JAKMIP1: variants seen among roughly 807,000 people sequenced by gnomAD.
The protein encoded by JAKMIP1 is janus kinase and microtubule interacting protein 1, also known as janus kinase and microtubule-interacting protein 1.
A neutral mutation model predicts 113.0 loss-of-function variants in JAKMIP1; 33 were observed. The observed-to-expected ratio is 0.29, with a 90% CI of 0.22 to 0.39. JAKMIP1 has a LOEUF of 0.39. JAKMIP1 is among the 10% of genes least tolerant of loss of function. The pLI, the probability that JAKMIP1 is intolerant of heterozygous loss-of-function variation, is 1.00. For missense variants in JAKMIP1, 813 were observed against 1,080.5 expected (o/e 0.75, Z 3.47); for synonymous variants, 480 against 459.9 (o/e 1.04, Z -0.56).
In JAKMIP1 at chr4:6,069,758, A is replaced by G. The variant is rs1403605929; in HGVS notation, c.1303-4750T>C. Among the ~76,000 whole-genome samples the G allele has an allele frequency of 6.6e-6, 1 of 151,928 alleles. No individual in the cohort carries two copies. Among genetic ancestry groups the G allele is most frequent in the Non-Finnish European group, 1.5e-5 (1 of 67,964 alleles). On this transcript the variant is annotated intron_variant, in intron 8 of 20. Coordinates refer to ENST00000409021, the MANE Select transcript of JAKMIP1 (RefSeq NM_001099433.2). The surrounding 1 kb of genome is among the most constrained non-coding windows in gnomAD (Gnocchi z 4.5). ...ACAGGGCAAGATCCTGTCTCAAAAA[A>G]AAAAAAAAAAAGATTCAGTTTTGGC...
At chr4:6,071,290 G>A (rs556426375) in intron 8 of JAKMIP1, among the ~76,000 whole-genome samples, 4 of 150,770 alleles carry the variant, frequency 2.7e-5, no homozygotes, top group African/African-American at 9.7e-5. Context: ...GCTGGGCCTG[G>A]CCCCAGGCAG....
At position 6,189,020 on chromosome 4, in the gene JAKMIP1, C is replaced by T. The variant is rs562838126; in HGVS notation, c.-148+11233G>A. ...CTTGCTGAGGAAATCCAATTACTGC[C>T]GGGCATAATGAGCTCACTCACCCAG... is the stretch of plus-strand genomic sequence containing the variant. On this transcript the variant is annotated intron_variant, in intron 1 of 20. Transcript: ENST00000409021. 1.2e-3 allele frequency among the ~76,000 whole-genome samples: 188 copies of T among 152,188 alleles called. 1 individual carries two copies. The highest frequency in any genetic ancestry group is 2.3e-3 in the Non-Finnish European group (159 of 68,052).
rs1721541107 is a variant in JAKMIP1 at position 6,088,049 on chromosome 4, T to C, written c.625-2420A>G. On this transcript the variant is annotated intron_variant, in intron 3 of 20. Coordinates refer to ENST00000409021, the MANE Select transcript of JAKMIP1 (RefSeq NM_001099433.2). This position sits in a 1 kb window ranked among gnomAD's most constrained non-coding sequence, Gnocchi z 5.5. ...GATGCCAACCCCAAAGCAAAAATCA[T>C]TATGCAGAAGGAGTTTATTCATTTA... 6.6e-6 allele frequency among the ~76,000 whole-genome samples: 1 copy of C among 152,188 alleles called. No individual in the cohort carries two copies. Among genetic ancestry groups the C allele is most frequent in the African/African-American group, 2.4e-5 (1 of 41,448 alleles).
Position 6,080,248 on chromosome 4 carries a change from G to C in JAKMIP1, c.1166C>G (p.Thr389Arg), listed in dbSNP as rs144030215. 6.2e-6 allele frequency: 10 copies of C among 1,614,174 alleles called. No homozygotes were observed. The South Asian group carries it at 7.7e-5, about 12-fold the overall frequency. ...GAACTCGATCTCCTGCTCATCCCTC[G>C]TCAGGCTGAGGTCATTCAAGGAGGT... ...RHTSLNDLSL[T>R]RDEQEIEFLR... Residue 389 changes from threonine (T) to arginine (R), a missense_variant, in exon 7 of 21, where the codon ACG becomes AGG. Physicochemically the swap from Thr to Arg is moderately conservative, Grantham distance 71. Transcript: ENST00000409021. This position sits in a 1 kb window ranked among gnomAD's most constrained non-coding sequence, Gnocchi z 6.0.
At chr4:6,160,215 G>A (rs763703018) in intron 1 of JAKMIP1, among the ~76,000 whole-genome samples, 2 of 152,190 alleles carry the variant, frequency 1.3e-5, no homozygotes, top group Non-Finnish European at 2.9e-5. Flanking sequence ...GCACCCAGCA[G>A]GTGAAAGTCA....
In JAKMIP1 at chr4:6,135,523, T is replaced by C. The variant is rs1719105769; in HGVS notation, c.-147-22526A>G. Among the ~76,000 whole-genome samples the C allele has an allele frequency of 6.6e-6, 1 of 152,084 alleles. No individual in the cohort carries two copies. Among genetic ancestry groups the C allele is most frequent in the Non-Finnish European group, 1.5e-5 (1 of 68,010 alleles). On this transcript the variant is annotated intron_variant, in intron 1 of 20. Transcript: ENST00000409021. The surrounding 1 kb of genome is among the most constrained non-coding windows in gnomAD (Gnocchi z 4.9). ...TGAAGACTGATACAGAGATGCTCCTTGAGCTGCCCGACCCCACTCCACGGA... is the reference window on the plus strand; with the variant it reads ...TGAAGACTGATACAGAGATGCTCCTCGAGCTGCCCGACCCCACTCCACGGA...
At position 6,059,102 on chromosome 4, in the gene JAKMIP1, G is replaced by C. The variant is rs4998329; in HGVS notation, c.1644+1322C>G. ...AGTGGCAGAGCTGCCCTCTGACCCA[G>C]GTGGCCAGCTATAGCATGTGAGCTC... is the stretch of plus-strand genomic sequence containing the variant. On this transcript the variant is annotated intron_variant, in intron 11 of 20. Transcript: ENST00000409021. This position sits in a 1 kb window ranked among gnomAD's most constrained non-coding sequence, Gnocchi z 4.8. Among the ~76,000 whole-genome samples, 27,814 of 152,206 alleles carry C rather than the reference G, an allele frequency of 0.18. 3,269 individuals are homozygous for C. The highest frequency in any genetic ancestry group is 0.26 in the Non-Finnish European group (17,449 of 67,982).
chr4:6,130,402 G>A (rs1560241006), intron 1 of JAKMIP1, among the ~76,000 whole-genome samples: 1 of 152,222 alleles, frequency 6.6e-6, no homozygotes, highest in South Asian at 2.1e-4. Flanking sequence ...AAGGCAGACA[G>A]GCAGATACAC....
intron 3 of JAKMIP1, among the ~76,000 whole-genome samples, chr4:6,103,424 G>A (rs776390634): frequency 5.9e-5 from 9 of 152,056 alleles, no homozygotes; most frequent in South Asian, 2.1e-4. Flanking sequence ...TATCTTGCTC[G>A]TACTCTTGTA....
chr4:6,100,318 T>G (rs1231478663), intron 3 of JAKMIP1, among the ~76,000 whole-genome samples: 1 of 152,216 alleles, frequency 6.6e-6, no homozygotes, highest in African/African-American at 2.4e-5. Context: ...TTCATACAAA[T>G]GCAAGCATAC....
chr4:6,112,614 C>T (rs956037754), intron 2 of JAKMIP1, 108 bp downstream of exon 2: 3 of 1,348,298 alleles, frequency 2.2e-6, no homozygotes, highest in African/African-American at 1.4e-5. Flanking sequence ...AAGTGCCCCC[C>T]CTCGGCCCCC....
intron 19 of JAKMIP1, among the ~76,000 whole-genome samples, chr4:6,032,397 T>G (rs539830140): frequency 6.6e-6 from 1 of 152,288 alleles, no homozygotes; most frequent in South Asian, 2.1e-4. Flanking sequence ...AGTTTCCTCA[T>G]CTGATGACCT....
intron 1 of JAKMIP1, among the ~76,000 whole-genome samples, chr4:6,147,440 A>C (rs1236813878): frequency 6.6e-6 from 1 of 152,092 alleles, no homozygotes; most frequent in Non-Finnish European, 1.5e-5. Context: ...CTGGTGAATT[A>C]ATAGCTGAGG....
Position 6,167,726 on chromosome 4 carries a change from T to A in JAKMIP1, c.-148+32527A>T, listed in dbSNP as rs781432433. Among the ~76,000 whole-genome samples the A allele has an allele frequency of 2.6e-5, 4 of 152,180 alleles. No homozygotes were observed. Among genetic ancestry groups the A allele is most frequent in the Non-Finnish European group, 5.9e-5 (4 of 68,030 alleles). On this transcript the variant is annotated intron_variant, in intron 1 of 20. Transcript: ENST00000409021. The surrounding 1 kb of genome is among the most constrained non-coding windows in gnomAD (Gnocchi z 5.3). Reference sequence around the variant, plus strand: ...CCCCACCATGAATGTACTGCTATCCTCACTTTACAGATGTGAACTGCCCAA... The same window carrying A: ...CCCCACCATGAATGTACTGCTATCCACACTTTACAGATGTGAACTGCCCAA...
At chr4:6,191,913 T>TTTTTTTTATTTA (rs1553866637) in intron 1 of JAKMIP1, among the ~76,000 whole-genome samples, 5 of 141,054 alleles carry the variant, frequency 3.5e-5, no homozygotes, top group African/African-American at 5.2e-5. Context: ...CAGGAGTGCA[T>TTTTTTTTATTTA]TTTATTTATT....
chr4:6,198,066 G>A (rs1728036377), intron 1 of JAKMIP1, among the ~76,000 whole-genome samples: 1 of 152,188 alleles, frequency 6.6e-6, no homozygotes, highest in African/African-American at 2.4e-5. Context: ...CCCCACCAAA[G>A]TGGGACCATC....
chr4:6,189,888 G>A (rs1002665640), intron 1 of JAKMIP1, among the ~76,000 whole-genome samples: 3 of 152,040 alleles, frequency 2.0e-5, no homozygotes, highest in Non-Finnish European at 1.5e-5. Context: ...GTCGAGAGCA[G>A]CCGGGGGACT....
In JAKMIP1 at chr4:6,186,288, TG is replaced by T. The variant is rs1309215853; in HGVS notation, c.-148+13964del. On this transcript the variant is annotated intron_variant, in intron 1 of 20. Coordinates refer to ENST00000409021, the MANE Select transcript of JAKMIP1 (RefSeq NM_001099433.2). The surrounding 1 kb of genome is among the most constrained non-coding windows in gnomAD (Gnocchi z 5.5). ...CCAAGGAATGGGCATTCCAGGAAAG[TG>T]GGATGGTGAGCAAAAGCATGGAAGT... Among the ~76,000 whole-genome samples the T allele has an allele frequency of 1.3e-5, 2 of 151,770 alleles. No individual in the cohort carries two copies. The highest frequency in any genetic ancestry group is 4.8e-5 in the African/African-American group (2 of 41,286).
rs1431004564 is a variant in JAKMIP1 at position 6,186,173 on chromosome 4, C to G, written c.-148+14080G>C. ...AGCTGAAGTGAGGGGAATGCAGGAA[C>G]AGCCGACGAGGCTTCCCTGGAGCTT... On this transcript the variant is annotated intron_variant, in intron 1 of 20. Coordinates refer to ENST00000409021, the MANE Select transcript of JAKMIP1 (RefSeq NM_001099433.2). The surrounding 1 kb of genome is among the most constrained non-coding windows in gnomAD (Gnocchi z 5.5). 6.6e-6 allele frequency among the ~76,000 whole-genome samples: 1 copy of G among 152,216 alleles called. No homozygotes were observed. Among genetic ancestry groups the G allele is most frequent in the African/African-American group, 2.4e-5 (1 of 41,456 alleles).
Sources: allele counts gnomAD v4.1 joint callset (sites outside exome capture counted in the v4.1 genomes callset), GRCh38; gene constraint gnomAD v4.1.1; non-coding constraint Gnocchi (gnomAD v3.1); transcripts MANE v1.5; gene names NCBI Gene and HGNC (gene_info 2026-07-23, HGNC 2026-07-21).